The following CNTN5 variants were observed in gnomAD, a reference collection of about 807,000 sequenced individuals.
CNTN5 encodes contactin-5.
Under a neutral mutation model 129.1 loss-of-function variants are expected in CNTN5, and 77 were observed. The ratio of observed to expected loss-of-function variants is 0.60; its 90% CI spans 0.50 to 0.72. CNTN5 has a LOEUF of 0.72. Among genes scored for constraint, CNTN5 ranks in the 30% least tolerant of loss-of-function variants. The pLI, the probability that CNTN5 is intolerant of heterozygous loss-of-function variation, is 0.00. For missense variants in CNTN5, 1,478 were observed against 1,328.8 expected (o/e 1.11, Z -1.75); for synonymous variants, 509 against 465.6 (o/e 1.09, Z -1.20).
intron 6 of CNTN5, among the ~76,000 whole-genome samples, chr11:99,909,160 A>C (rs923074262): frequency 6.6e-6 from 1 of 152,152 alleles, no homozygotes; most frequent in Non-Finnish European, 1.5e-5. Context: ...TTTTTATTAA[A>C]AGTTAACATT....
intron 3 of CNTN5, among the ~76,000 whole-genome samples, chr11:99,583,823 C>A (rs1252370452): frequency 2.6e-5 from 4 of 152,088 alleles, no homozygotes; most frequent in African/African-American, 9.7e-5. Flanking sequence ...GTGTGCTGCA[C>A]CCACAGTCCT....
chr11:99,861,306 T>C (rs1948200350), intron 6 of CNTN5, among the ~76,000 whole-genome samples: 2 of 152,182 alleles, frequency 1.3e-5, no homozygotes, highest in Non-Finnish European at 2.9e-5. Context: ...TGTTGCATAG[T>C]TCTCCTTGGA....
chr11:99,166,942 T>TC (rs1860903729), intron 1 of CNTN5, among the ~76,000 whole-genome samples: 2 of 152,146 alleles, frequency 1.3e-5, no homozygotes, highest in African/African-American at 4.8e-5. Flanking sequence ...TTTAAAACAT[T>TC]ATCCACTACA....
intron 16 of CNTN5, among the ~76,000 whole-genome samples, chr11:100,239,842 C>T (rs1405403342): frequency 6.6e-6 from 1 of 152,144 alleles, no homozygotes; most frequent in Non-Finnish European, 1.5e-5. Context: ...TTTGTCAGCA[C>T]TCTGATTTGG....
chr11:99,571,313 A>G (rs2135577478), intron 3 of CNTN5, among the ~76,000 whole-genome samples: 1 of 152,316 alleles, frequency 6.6e-6, no homozygotes, highest in South Asian at 2.1e-4. Flanking sequence ...AGGAGCTCAC[A>G]TAATCTTCAG....
intron 9 of CNTN5, among the ~76,000 whole-genome samples, chr11:100,056,105 T>A (rs1943209923): frequency 6.6e-6 from 1 of 151,738 alleles, no homozygotes; most frequent in South Asian, 2.1e-4. Context: ...GTGATTATAT[T>A]TTTGTCTTTA....
chr11:99,247,415 A>G (rs1861866563), intron 1 of CNTN5, among the ~76,000 whole-genome samples: 1 of 151,906 alleles, frequency 6.6e-6, no homozygotes, highest in Admixed American at 6.6e-5. Flanking sequence ...TTCATTTCAG[A>G]TAAAATATAC....
At chr11:100,103,662 T>A (rs1247310824) in intron 13 of CNTN5, among the ~76,000 whole-genome samples, 1 of 152,214 alleles carries the variant, frequency 6.6e-6, no homozygotes, top group Non-Finnish European at 1.5e-5. Flanking sequence ...CTGCAAATCC[T>A]ACTTTGCTCC....
At chr11:99,729,080 C>T (rs963675238) in intron 3 of CNTN5, among the ~76,000 whole-genome samples, 1 of 152,172 alleles carries the variant, frequency 6.6e-6, no homozygotes. Context: ...CCTCTTCCTG[C>T]TCCTCAAAGA....
At chr11:99,762,897 G>C (rs942327960) in intron 3 of CNTN5, among the ~76,000 whole-genome samples, 1 of 152,044 alleles carries the variant, frequency 6.6e-6, no homozygotes, top group East Asian at 1.9e-4. Flanking sequence ...TTCTTTTCTT[G>C]TGAATTCATG....
In CNTN5 at chr11:99,900,892, A is replaced by G. The variant is rs146862949; in HGVS notation, c.578-15162A>G. Among the ~76,000 whole-genome samples, 855 of 152,214 alleles carry G rather than the reference A, an allele frequency of 5.6e-3. 7 individuals are homozygous for G. Among genetic ancestry groups the G allele is most frequent in the Non-Finnish European group, 8.6e-3 (584 of 68,006 alleles). ...ATCACTCTGTTTCCCAGCTAGCCTC[A>G]TACATGTCTCTAAAGCTTTATATGT... is the stretch of plus-strand genomic sequence containing the variant. On this transcript the variant is annotated intron_variant, in intron 6 of 24. Transcript: ENST00000524871.
At chr11:100,211,335 C>A (rs1591396735) in intron 15 of CNTN5, among the ~76,000 whole-genome samples, 1 of 152,140 alleles carries the variant, frequency 6.6e-6, no homozygotes, top group East Asian at 1.9e-4. Context: ...GCAGCTTCCC[C>A]AAGATTAACA....
In CNTN5 at chr11:99,421,863, T is replaced by C. The variant is rs375848152; in HGVS notation, c.-71+96379T>C. Among the ~76,000 whole-genome samples the C allele has an allele frequency of 5.9e-5, 9 of 152,028 alleles. No individual in the cohort carries two copies. In the East Asian group the frequency reaches 1.4e-3, roughly 23 times the overall value. ...ATGGCTTTTACTAGGAAAAAAAAAA[T>C]AGCTGTCTTACAAATCTTGCAAATA... is the stretch of plus-strand genomic sequence containing the variant. On this transcript the variant is annotated intron_variant, in intron 2 of 24. Transcript: ENST00000524871.
At chr11:99,674,423 G>C (rs1337288312) in intron 3 of CNTN5, among the ~76,000 whole-genome samples, 1 of 152,020 alleles carries the variant, frequency 6.6e-6, no homozygotes, top group African/African-American at 2.4e-5. Context: ...TCTGTTGATA[G>C]TTTCTTTTGC....
chr11:99,465,832 C>T (rs1463093476), intron 2 of CNTN5, among the ~76,000 whole-genome samples: 1 of 148,580 alleles, frequency 6.7e-6, no homozygotes, highest in African/African-American at 2.5e-5. Flanking sequence ...TCTTACGTGG[C>T]CGGAACAGGA....
intron 3 of CNTN5, among the ~76,000 whole-genome samples, chr11:99,731,026 G>GAGTAGA (rs1943514026): frequency 6.6e-6 from 1 of 152,032 alleles, no homozygotes; most frequent in African/African-American, 2.4e-5. Context: ...TCCCATATAT[G>GAGTAGA]AGTAGAAACA....
intron 3 of CNTN5, among the ~76,000 whole-genome samples, chr11:99,614,297 C>T (rs894907109): frequency 1.3e-4 from 20 of 152,018 alleles, no homozygotes; most frequent in African/African-American, 4.1e-4. Flanking sequence ...CTCAGGTTTC[C>T]GAATCAAGTC....
chr11:99,623,761 A>T (rs976239305), intron 3 of CNTN5, among the ~76,000 whole-genome samples: 1 of 150,056 alleles, frequency 6.7e-6, no homozygotes, highest in African/African-American at 2.4e-5. Flanking sequence ...AAAAAAAAAG[A>T]TAAAAGCTGT....
intron 1 of CNTN5, among the ~76,000 whole-genome samples, chr11:99,145,362 G>A (rs1940497): frequency 0.86 from 130,899 of 151,776 alleles, 56,862 homozygotes; most frequent in East Asian, 0.99. Flanking sequence ...GAGCTACCAC[G>A]CCCAACCAGA....
Sources: allele counts gnomAD v4.1 joint callset (sites outside exome capture counted in the v4.1 genomes callset), GRCh38; gene constraint gnomAD v4.1.1; transcripts MANE v1.5; gene names NCBI Gene and HGNC (gene_info 2026-07-23, HGNC 2026-07-21).